The following POLQ variants were observed in gnomAD, a reference collection of about 807,000 sequenced individuals.
POLQ encodes the protein epididymis secretory sperm binding protein.
POLQ carries 233 observed loss-of-function variants against 259.2 expected under a neutral mutation model. That is an observed-to-expected ratio of 0.90 (90% CI 0.81 to 1.00). The LOEUF is 1.00. Ranked by LOEUF, POLQ falls within the 50% of genes least tolerant of loss-of-function variation. The pLI, the probability that POLQ is intolerant of heterozygous loss-of-function variation, is 0.00. For missense variants in POLQ, 2,871 were observed against 3,051.6 expected (o/e 0.94, Z 1.39); for synonymous variants, 1,025 against 1,048.8 (o/e 0.98, Z 0.44).
chr3:121,528,728 G>T (rs968397061), intron 7 of POLQ, among the ~76,000 whole-genome samples: 1 of 152,104 alleles, frequency 6.6e-6, no homozygotes, highest in African/African-American at 2.4e-5. Context: ...CAAGGCAGGC[G>T]GATCACTTCA....
intron 27 of POLQ, among the ~76,000 whole-genome samples, chr3:121,438,344 T>C (rs986831097): frequency 1.3e-5 from 2 of 152,216 alleles, no homozygotes; most frequent in East Asian, 1.9e-4. Context: ...CACAAACTTA[T>C]ATGATTCATT....
At chr3:121,449,181 T>G (rs2047653262) in intron 26 of POLQ, 134 bp downstream of exon 26, 1 of 552,502 alleles carries the variant, frequency 1.8e-6, no homozygotes, top group Non-Finnish European at 3.3e-6. Flanking sequence ...AAGGTTAATC[T>G]TATTTACCCT....
intron 4 of POLQ, 75 bp from the exon 5 acceptor site, chr3:121,537,283 C>T: frequency 2.4e-6 from 2 of 817,322 alleles, no homozygotes; most frequent in East Asian, 2.4e-5. Context: ...ACCTTTATTT[C>T]ACTCTATTTA....
intron 21 of POLQ, among the ~76,000 whole-genome samples, chr3:121,472,446 G>A (rs749850011): frequency 4.6e-5 from 7 of 152,006 alleles, no homozygotes; most frequent in Non-Finnish European, 8.8e-5. Flanking sequence ...CCCCACACCC[G>A]ACCAAAAGTT....
At chr3:121,461,398 A>T (rs558734766) in intron 24 of POLQ, among the ~76,000 whole-genome samples, 3 of 152,304 alleles carry the variant, frequency 2.0e-5, no homozygotes, top group African/African-American at 4.8e-5. Flanking sequence ...CATGCCTGTA[A>T]TCCTAGCACT....
intron 1 of POLQ, 88 bp downstream of exon 1, chr3:121,545,627 G>T: frequency 7.7e-7 from 1 of 1,290,328 alleles, no homozygotes; most frequent in Non-Finnish European, 1.0e-6. Flanking sequence ...ATGCAACGAA[G>T]CAAGTCCCGT....
At chr3:121,472,544 G>A (rs374553141) in intron 21 of POLQ, among the ~76,000 whole-genome samples, 4 of 152,146 alleles carry the variant, frequency 2.6e-5, no homozygotes, top group Admixed American at 1.3e-4. Context: ...GTGCTTGCCC[G>A]GATACTTATA....
chr3:121,499,080 C>CA (rs1560100727), intron 12 of POLQ, among the ~76,000 whole-genome samples: 2 of 151,252 alleles, frequency 1.3e-5, no homozygotes, highest in Admixed American at 6.6e-5. Flanking sequence ...GACTCCATCT[C>CA]AAAAAAAATT....
At chr3:121,523,071 A>G (rs1189129719) in intron 7 of POLQ, among the ~76,000 whole-genome samples, 2 of 152,204 alleles carry the variant, frequency 1.3e-5, no homozygotes, top group African/African-American at 4.8e-5. Context: ...GCTGGAGTAC[A>G]GTGGCACAAT....
Position 121,489,864 on chromosome 3 carries a change from T to C in POLQ, c.3067A>G (p.Thr1023Ala). The change falls in exon 16 of 30, where the codon ACA becomes GCA. Residue 1023 changes from threonine (T) to alanine (A), a missense_variant. Around this residue, in one of 3 missense-constraint regions of POLQ, gnomAD observed 2,080 missense variants for 2,126.0 expected, o/e 0.98. Coordinates refer to ENST00000264233, the MANE Select transcript of POLQ (RefSeq NM_199420.4). ...KKVVQTFSQKTKKAPLNFNSE... is the reference protein window; with the variant it reads ...KKVVQTFSQKAKKAPLNFNSE... ...TTGAAATTCAAAGGTGCCTTTTTTG[T>C]TTTCTGTGAAAAAGTCTGAACAACT... 1 of 1,607,452 alleles carries C rather than the reference T, an allele frequency of 6.2e-7. No homozygotes were observed. Among genetic ancestry groups the C allele is most frequent in the Non-Finnish European group, 8.5e-7 (1 of 1,178,586 alleles).
At chr3:121,433,153 A>G (rs890249516) in intron 28 of POLQ, 120 bp from the exon 29 acceptor site, 21 of 656,064 alleles carry the variant, frequency 3.2e-5, no homozygotes, top group Non-Finnish European at 5.0e-5. Context: ...CACAAGAATA[A>G]GAACTATCAG....
chr3:121,472,022 A>C lies in POLQ; in HGVS notation c.6686T>G (p.Ile2229Ser). 6.3e-7 allele frequency: 1 copy of C among 1,577,272 alleles called. No homozygotes were observed. Among genetic ancestry groups the C allele is most frequent in the Non-Finnish European group, 8.7e-7 (1 of 1,154,230 alleles). ...CLNPFLGMER[I>S]YPVSQSHTAT... ...AGTGTGCGACTGTGATACAGGATAG[A>C]TTCTTTCCATTCCAAGAAAAGGATT... is the stretch of plus-strand genomic sequence containing the variant. Residue 2229 changes from isoleucine to serine, a missense_variant, in exon 22 of 30, where the codon ATC (isoleucine) becomes AGC (serine). By Grantham distance (142) the Ile-to-Ser change is moderately radical. Transcript: ENST00000264233.
At chr3:121,479,948 T>G (rs898960539) in intron 19 of POLQ, among the ~76,000 whole-genome samples, 3 of 152,072 alleles carry the variant, frequency 2.0e-5, no homozygotes, top group Non-Finnish European at 4.4e-5. Flanking sequence ...AAAGGTTGGT[T>G]CTTTGAAAAG....
Position 121,496,469 on chromosome 3 carries a change from C to T in POLQ, c.2278+339G>A, listed in dbSNP as rs528350644. Among the ~76,000 whole-genome samples the T allele has an allele frequency of 3.3e-5, 5 of 152,184 alleles. No homozygotes were observed. The South Asian group carries it at 1.0e-3, about 32-fold the overall frequency. The stretch of plus-strand genomic sequence containing the variant: ...GGATTACAGGCATGAGCCACCGCGC[C>T]CGGCAATCAGTACCTTAATGAGAAA... On this transcript the variant is annotated intron_variant, in intron 14 of 29. Transcript: ENST00000264233.
intron 3 of POLQ, among the ~76,000 whole-genome samples, chr3:121,540,360 T>C (rs980523166): frequency 2.6e-5 from 4 of 152,190 alleles, no homozygotes; most frequent in Non-Finnish European, 5.9e-5. Context: ...CCTAAAGACA[T>C]AGTTAGTGGC....
At chr3:121,442,473 T>C (rs1324178365) in intron 26 of POLQ, among the ~76,000 whole-genome samples, 1 of 152,204 alleles carries the variant, frequency 6.6e-6, no homozygotes, top group Non-Finnish European at 1.5e-5. Flanking sequence ...ACCATTACTC[T>C]ACTCTCTATC....
intron 15 of POLQ, among the ~76,000 whole-genome samples, chr3:121,491,935 G>A (rs1353226460): frequency 2.0e-5 from 3 of 152,190 alleles, no homozygotes; most frequent in Admixed American, 2.0e-4. Context: ...ACCCTACTGT[G>A]AATTGTACAT....
chr3:121,451,266 C>T (rs1474424428), intron 25 of POLQ, among the ~76,000 whole-genome samples: 1 of 152,330 alleles, frequency 6.6e-6, no homozygotes, highest in African/African-American at 2.4e-5. Flanking sequence ...GTTTGATTGT[C>T]TGAGGCCGCC....
At chr3:121,449,217 A>T (rs528883339) in intron 26 of POLQ, 98 bp downstream of exon 26, 1 of 659,658 alleles carries the variant, frequency 1.5e-6, no homozygotes, top group African/African-American at 1.8e-5. Flanking sequence ...AAAACTTCTG[A>T]CTAATTGATA....
Sources: allele counts gnomAD v4.1 joint callset (sites outside exome capture counted in the v4.1 genomes callset), GRCh38; gene constraint gnomAD v4.1.1; regional missense constraint gnomAD v4.1.1; transcripts MANE v1.5; gene names NCBI Gene and HGNC (gene_info 2026-07-23, HGNC 2026-07-21).